STARD13: variants seen among roughly 807,000 people sequenced by gnomAD.
STARD13 encodes stAR-related lipid transfer protein 13.
A neutral mutation model predicts 106.4 loss-of-function variants in STARD13; 62 were observed. That is an observed-to-expected ratio of 0.58 (90% CI 0.48 to 0.72). The LOEUF is 0.72. Among genes scored for constraint, STARD13 ranks in the 30% least tolerant of loss-of-function variants. STARD13 has a pLI of 0.00. For synonymous variants in STARD13, 565 were observed against 553.0 expected (o/e 1.02, Z -0.31); for missense variants, 1,387 against 1,424.0 (o/e 0.97, Z 0.42).
At chr13:33,184,493 G>T (rs1027609043) in intron 1 of STARD13, among the ~76,000 whole-genome samples, 4 of 152,158 alleles carry the variant, frequency 2.6e-5, no homozygotes, top group Non-Finnish European at 4.4e-5. Flanking sequence ...CAGTAAGTTG[G>T]AATTTTAAAA....
intron 1 of STARD13, among the ~76,000 whole-genome samples, chr13:33,323,619 A>G (rs1299352978): frequency 6.6e-6 from 1 of 152,146 alleles, no homozygotes; most frequent in South Asian, 2.1e-4. Flanking sequence ...TCATTTTACT[A>G]CCTCAAACAA....
chr13:33,400,608 C>T, the STARD13 span, among the ~76,000 whole-genome samples: 1 of 152,090 alleles, frequency 6.6e-6, no homozygotes, highest in Non-Finnish European at 1.5e-5. Flanking sequence ...CTACAGGCGC[C>T]CGCCACCATG....
chr13:33,669,581 A>G, the STARD13 span, among the ~76,000 whole-genome samples: 11,033 of 141,572 alleles, frequency 0.078, 864 homozygotes, highest in East Asian at 0.25. Context: ...TGTCACCCAG[A>G]CTGGAGTGCA....
At chr13:33,506,432 G>A in the STARD13 span, among the ~76,000 whole-genome samples, 1 of 152,140 alleles carries the variant, frequency 6.6e-6, no homozygotes, top group Non-Finnish European at 1.5e-5. Context: ...CATAACTCCA[G>A]CTTTCAAGAG....
chr13:33,608,372 C>G, the STARD13 span, among the ~76,000 whole-genome samples: 5 of 151,908 alleles, frequency 3.3e-5, no homozygotes, highest in African/African-American at 7.3e-5. Context: ...GGGATCTGGA[C>G]AAGCTGATTC....
chr13:33,369,152 G>T, the STARD13 span, among the ~76,000 whole-genome samples: 1 of 151,872 alleles, frequency 6.6e-6, no homozygotes, highest in Non-Finnish European at 1.5e-5. Flanking sequence ...CTACAAGTGG[G>T]GTAACATCTT....
rs1889310733 is a variant in STARD13 at position 33,238,557 on chromosome 13, C to T, written c.169+46913G>A. ...GATTTTGAAATTTTGGTTGGGGATC[C>T]CAGGGTGTAAATTTTTGCCATATGA... On this transcript the variant is annotated intron_variant, in intron 1 of 13. Coordinates refer to ENST00000336934, the MANE Select transcript of STARD13 (RefSeq NM_178006.4). 2.6e-5 allele frequency among the ~76,000 whole-genome samples: 4 copies of T among 151,968 alleles called. No individual in the cohort carries two copies. The South Asian group carries it at 8.3e-4, about 32-fold the overall frequency.
chr13:33,285,739 C>T lies in STARD13; in HGVS notation c.-101G>A. The T allele has an allele frequency of 6.6e-7, 1 of 1,507,928 alleles. No individual in the cohort carries two copies. Among genetic ancestry groups the T allele is most frequent in the Non-Finnish European group, 8.8e-7 (1 of 1,134,322 alleles). The allele number at this position is 1,507,928 out of a possible 1,614,324, so 93.4% of individuals were successfully genotyped here. A position where few individuals can be genotyped will look rare whatever the true frequency, so the allele number is the denominator to read the frequency against. ...AGGCACCCAGCCCAGGACAGCTCAA[C>T]AGACCCAGCGATTTTTAAAAAGAAA... On this transcript the variant is annotated 5_prime_UTR_variant, in exon 1 of 14. Transcript: ENST00000336934.
the STARD13 span, among the ~76,000 whole-genome samples, chr13:33,579,777 A>G: frequency 1.3e-5 from 2 of 152,108 alleles, no homozygotes; most frequent in Non-Finnish European, 2.9e-5. Flanking sequence ...CAGACACCTC[A>G]TTAAAGAAGA....
chr13:33,231,716 C>A (rs1315543182), intron 1 of STARD13, among the ~76,000 whole-genome samples: 4 of 152,206 alleles, frequency 2.6e-5, no homozygotes, highest in African/African-American at 9.7e-5. Context: ...AGCTGGGGCA[C>A]AAACTGCAGT....
the STARD13 span, among the ~76,000 whole-genome samples, chr13:33,524,781 G>T: frequency 6.6e-6 from 1 of 151,954 alleles, no homozygotes; most frequent in Non-Finnish European, 1.5e-5. Flanking sequence ...TTTAAAACAT[G>T]TATACATTTT....
At chr13:33,330,123 G>C (rs983529480) in intron 1 of STARD13, among the ~76,000 whole-genome samples, 4 of 152,180 alleles carry the variant, frequency 2.6e-5, no homozygotes, top group Non-Finnish European at 4.4e-5. Context: ...AATCCTGTAG[G>C]ACTGCTTGAT....
chr13:33,149,343 T>C (rs988970931), intron 3 of STARD13, among the ~76,000 whole-genome samples: 5 of 152,188 alleles, frequency 3.3e-5, no homozygotes, highest in African/African-American at 1.2e-4. Context: ...TTCTGCTCAG[T>C]TTTGTTGTGA....
At chr13:33,659,007 G>A in the STARD13 span, among the ~76,000 whole-genome samples, 25 of 152,198 alleles carry the variant, frequency 1.6e-4, no homozygotes, top group Non-Finnish European at 1.0e-4. Flanking sequence ...GCAAGCCCAG[G>A]AAGCACATGG....
At chr13:33,166,879 C>G (rs1163047695) in intron 2 of STARD13, among the ~76,000 whole-genome samples, 1 of 151,802 alleles carries the variant, frequency 6.6e-6, no homozygotes, top group East Asian at 1.9e-4. Context: ...CCTGTAATCT[C>G]AACTACTTGG....
chr13:33,244,635 C>G (rs1010522241), intron 1 of STARD13, among the ~76,000 whole-genome samples: 2 of 152,064 alleles, frequency 1.3e-5, no homozygotes, highest in African/African-American at 2.4e-5. Flanking sequence ...TATGCTTACC[C>G]TCTTGGAACT....
chr13:33,540,636 G>A, the STARD13 span, among the ~76,000 whole-genome samples: 33,574 of 152,148 alleles, frequency 0.22, 4,075 homozygotes, highest in East Asian at 0.42. Context: ...TATAAAGGGG[G>A]TTCCTATACA....
chr13:33,119,664 T>A (rs1593878657), intron 7 of STARD13, among the ~76,000 whole-genome samples: 1 of 152,224 alleles, frequency 6.6e-6, no homozygotes, highest in African/African-American at 2.4e-5. Context: ...TTTGTGGCCA[T>A]AAAAACAGAA....
chr13:33,426,916 CCTT>C, the STARD13 span, among the ~76,000 whole-genome samples: 1 of 152,092 alleles, frequency 6.6e-6, no homozygotes, highest in African/African-American at 2.4e-5. Context: ...CTTGGCTTCT[CCTT>C]CTATTCTCAG....
Sources: gnomAD v4.1 joint callset for allele counts (sites outside exome capture counted in the v4.1 genomes callset) on GRCh38, gnomAD v4.1.1 for gene constraint, MANE v1.5 for transcripts, NCBI Gene and HGNC (gene_info 2026-07-23, HGNC 2026-07-21) for gene names.